The following EYA1 variants were observed in gnomAD, a reference collection of about 807,000 sequenced individuals.
EYA1 encodes protein phosphatase EYA1.
In EYA1, 16 loss-of-function variants were observed where a neutral mutation model predicts 82.0. The observed-to-expected ratio is 0.20, with a 90% CI of 0.13 to 0.30. The LOEUF is 0.30. Ranked by LOEUF, EYA1 falls within the 10% of genes least tolerant of loss-of-function variation. EYA1 has a pLI of 1.00. For missense variants in EYA1, 633 were observed against 730.7 expected (o/e 0.87, Z 1.54); for synonymous variants, 261 against 264.4 (o/e 0.99, Z 0.12).
intron 12 of EYA1, among the ~76,000 whole-genome samples, chr8:71,241,337 T>C (rs961550642): frequency 1.7e-4 from 26 of 152,110 alleles, no homozygotes; most frequent in African/African-American, 6.0e-4. Flanking sequence ...GTTCTTAGAG[T>C]TCGATTAAGA....
intron 2 of EYA1, among the ~76,000 whole-genome samples, chr8:71,369,458 T>C (rs981366328): frequency 7.9e-5 from 12 of 152,228 alleles, no homozygotes; most frequent in Non-Finnish European, 1.5e-4. Context: ...TCTTCTGTTG[T>C]CACAGTACTT....
At chr8:71,245,599 C>T (rs1336462995) in intron 11 of EYA1, among the ~76,000 whole-genome samples, 1 of 151,730 alleles carries the variant, frequency 6.6e-6, no homozygotes, top group African/African-American at 2.4e-5. Context: ...TGGCCTCAAA[C>T]AATTCTTCTT....
At chr8:71,318,960 T>C (rs1822222728) in intron 6 of EYA1, among the ~76,000 whole-genome samples, 1 of 152,078 alleles carries the variant, frequency 6.6e-6, no homozygotes, top group African/African-American at 2.4e-5. Context: ...AACCCACACA[T>C]AGAAATGGTC....
rs151172668 is a variant in EYA1 at position 71,198,987 on chromosome 8, G to A, written c.*353C>T. ...TCTCTGTTGTGCAATTAGGTTTGCT[G>A]TATTGGAGAAGCTGTTTATATCACA... On this transcript the variant is annotated 3_prime_UTR_variant, in exon 18 of 18. Transcript: ENST00000340726. The A allele has an allele frequency of 2.2e-3, 729 of 333,822 alleles. 7 individuals are homozygous for A. Among genetic ancestry groups the A allele is most frequent in the African/African-American group, 0.014 (659 of 47,322 alleles). The allele number at this position is 333,822 out of a possible 1,614,324, so 20.7% of individuals were successfully genotyped here.
At chr8:71,420,654 T>C (rs1831099161) in intron 2 of EYA1, among the ~76,000 whole-genome samples, 1 of 152,168 alleles carries the variant, frequency 6.6e-6, no homozygotes, top group Non-Finnish European at 1.5e-5. Flanking sequence ...AGCTGAGTCA[T>C]GAGGGACCCA....
chr8:71,380,908 GCCTTGCCCA>G (rs1828665582), intron 2 of EYA1, among the ~76,000 whole-genome samples: 1 of 152,178 alleles, frequency 6.6e-6, no homozygotes, highest in African/African-American at 2.4e-5. Context: ...ACCTCTGAGG[GCCTTGCCCA>G]CCTTGTGTTG....
intron 2 of EYA1, among the ~76,000 whole-genome samples, chr8:71,508,226 A>G (rs561726830): frequency 6.6e-6 from 1 of 152,284 alleles, no homozygotes; most frequent in African/African-American, 2.4e-5. Flanking sequence ...CAGTCATACT[A>G]TGTAAGTATA....
chr8:71,244,482 A>G (rs1812837954), intron 12 of EYA1, 121 bp downstream of exon 12: 3 of 639,294 alleles, frequency 4.7e-6, no homozygotes, highest in Non-Finnish European at 5.6e-6. Flanking sequence ...TTGCCATATT[A>G]CCAACAAACC....
intron 2 of EYA1, among the ~76,000 whole-genome samples, chr8:71,391,195 C>T (rs1292945740): frequency 6.6e-6 from 1 of 152,012 alleles, no homozygotes. Flanking sequence ...GTTGGCCAGG[C>T]TGGTTTTGAA....
chr8:71,228,093 AC>A (rs1461558957), intron 12 of EYA1, among the ~76,000 whole-genome samples: 1 of 152,204 alleles, frequency 6.6e-6, no homozygotes, highest in Non-Finnish European at 1.5e-5. Flanking sequence ...AATATGCAGA[AC>A]CGGACATAGG....
At chr8:71,482,799 G>T (rs960095357) in intron 2 of EYA1, among the ~76,000 whole-genome samples, 1 of 152,090 alleles carries the variant, frequency 6.6e-6, no homozygotes, top group Non-Finnish European at 1.5e-5. Context: ...ATATACTATA[G>T]GATTCCTATT....
chr8:71,545,079 A>G (rs1382687307), intron 1 of EYA1, among the ~76,000 whole-genome samples: 1 of 152,256 alleles, frequency 6.6e-6, no homozygotes, highest in African/African-American at 2.4e-5. Context: ...AAAAGGGTAG[A>G]CTGAAAACTC....
intron 9 of EYA1, among the ~76,000 whole-genome samples, chr8:71,273,884 A>G (rs1380065300): frequency 6.6e-6 from 1 of 152,216 alleles, no homozygotes; most frequent in Non-Finnish European, 1.5e-5. Context: ...CCGACAGTAT[A>G]ATTTTGTCGT....
intron 9 of EYA1, among the ~76,000 whole-genome samples, chr8:71,282,525 G>A (rs936507219): frequency 1.4e-4 from 22 of 152,036 alleles, no homozygotes; most frequent in Non-Finnish European, 3.1e-4. Flanking sequence ...ATATTTCTCC[G>A]CCTTTTGCCA....
chr8:71,509,366 C>T (rs180872949), intron 2 of EYA1, among the ~76,000 whole-genome samples: 2 of 152,122 alleles, frequency 1.3e-5, no homozygotes, highest in Non-Finnish European at 2.9e-5. Context: ...ATAAGGTTAA[C>T]GTTTTATAAT....
At chr8:71,499,565 C>A (rs769391818) in intron 2 of EYA1, among the ~76,000 whole-genome samples, 11 of 152,100 alleles carry the variant, frequency 7.2e-5, no homozygotes, top group Non-Finnish European at 1.5e-4. Context: ...TCTGCCCCTG[C>A]CCACTAAGAG....
rs543232566 is a variant in EYA1, at chr8:71,405,431, T to A, written c.34-48920A>T. Among the ~76,000 whole-genome samples, 42 of 152,352 alleles carry A rather than the reference T, an allele frequency of 2.8e-4. No individual in the cohort carries two copies. The South Asian group carries it at 8.5e-3, about 31-fold the overall frequency. On this transcript the variant is annotated intron_variant, in intron 2 of 18. Coordinates refer to the EYA1 transcript ENST00000643681. ...CCCCTTTCTCCTTTGAGCCACCTGC[T>A]GTTTCTGGGTTCAGGTGTCTGTGCA...
At chr8:71,261,074 G>A (rs1458927222) in intron 11 of EYA1, among the ~76,000 whole-genome samples, 1 of 152,116 alleles carries the variant, frequency 6.6e-6, no homozygotes, top group Non-Finnish European at 1.5e-5. Flanking sequence ...CCCCATGCTG[G>A]CTGCCCACAA....
chr8:71,219,177 A>G (rs988607092), intron 12 of EYA1, among the ~76,000 whole-genome samples: 3 of 152,088 alleles, frequency 2.0e-5, no homozygotes, highest in African/African-American at 2.4e-5. Flanking sequence ...TTCATTTAAA[A>G]CGTTTTGTTC....
Sources: allele counts gnomAD v4.1 joint callset (sites outside exome capture counted in the v4.1 genomes callset), GRCh38; gene constraint gnomAD v4.1.1; transcripts MANE v1.5; gene names NCBI Gene and HGNC (gene_info 2026-07-23, HGNC 2026-07-21).